Variants in CSNK2A2 observed in about 807,000 individuals in gnomAD.
The protein encoded by CSNK2A2 is casein kinase II subunit alpha'.
A neutral mutation model predicts 54.0 loss-of-function variants in CSNK2A2; 8 were observed. That is an observed-to-expected ratio of 0.15 (90% CI 0.09 to 0.27). The LOEUF (loss-of-function observed/expected upper bound fraction) is 0.27, where lower values mean the gene tolerates loss of function less well. Among genes scored for constraint, CSNK2A2 ranks in the 10% least tolerant of loss-of-function variants. CSNK2A2 has a pLI of 1.00. For synonymous variants in CSNK2A2, 141 were observed against 153.9 expected, an observed-to-expected ratio of 0.92 and a Z score of 0.62; for missense variants, 242 against 439.4, an observed-to-expected ratio of 0.55 and a Z score of 4.02.
In CSNK2A2 at chr16:58,197,262, A is replaced by C. The variant is rs1369214143; in HGVS notation, c.104+371T>G. ...CCCACCACCTCATCTCAGAAAACCTAAAAGGCAGGGCATTTTAATAGCTCC... is the reference window on the plus strand; with the variant it reads ...CCCACCACCTCATCTCAGAAAACCTCAAAGGCAGGGCATTTTAATAGCTCC... On this transcript the variant is annotated intron_variant, in intron 1 of 11. Coordinates refer to ENST00000262506, the MANE Select transcript of CSNK2A2 (RefSeq NM_001896.4). This position sits in a 1 kb window ranked among gnomAD's most constrained non-coding sequence, Gnocchi z 4.0. The C allele has an allele frequency of 3.6e-6, 1 of 279,894 alleles. No homozygotes were observed. Among genetic ancestry groups the C allele is most frequent in the Non-Finnish European group, 6.9e-6 (1 of 145,928 alleles). 17.3% of individuals were successfully genotyped at this position (279,894 alleles called of 1,614,324 possible).
intron 4 of CSNK2A2, among the ~76,000 whole-genome samples, chr16:58,182,613 GCAGA>G (rs1354396500): frequency 6.7e-6 from 1 of 150,046 alleles, no homozygotes; most frequent in African/African-American, 2.4e-5. Flanking sequence ...TACACATGTA[GCAGA>G]CAATTGGTAA....
intron 5 of CSNK2A2, among the ~76,000 whole-genome samples, chr16:58,173,703 G>C (rs906918924): frequency 2.6e-5 from 4 of 152,300 alleles, no homozygotes; most frequent in Middle Eastern, 3.4e-3. Context: ...ACATGGCAAG[G>C]AAAGATGGCT....
At chr16:58,181,923 A>G (rs1333034227) in intron 4 of CSNK2A2, among the ~76,000 whole-genome samples, 9 of 152,204 alleles carry the variant, frequency 5.9e-5, no homozygotes, top group African/African-American at 1.7e-4. Flanking sequence ...ACCGTCACAT[A>G]AGATGAAACT....
rs375314014 is a variant in CSNK2A2, at chr16:58,167,803, T to C, written c.514-8A>G. The C allele has an allele frequency of 2.3e-5, 37 of 1,610,196 alleles. No individual in the cohort carries two copies. The highest frequency in any genetic ancestry group is 1.1e-4 in the South Asian group (10 of 90,998). Reference sequence around the variant, plus strand: ...CCAATCTATCAGTCGCAGCTACAAATAGGACAGAAAAAAACATGTGAAAGG... The same window carrying C: ...CCAATCTATCAGTCGCAGCTACAAACAGGACAGAAAAAAACATGTGAAAGG... On this transcript the variant is annotated splice_polypyrimidine_tract_variant and splice_region_variant and intron_variant, in intron 6 of 11. Transcript: ENST00000262506.
chr16:58,176,900 G>C (rs1961894547), intron 4 of CSNK2A2, among the ~76,000 whole-genome samples: 2 of 152,292 alleles, frequency 1.3e-5, no homozygotes, highest in Non-Finnish European at 2.9e-5. Context: ...GCTTTGTCCA[G>C]ACCCCAAGAG....
chr16:58,165,886 G>A (rs747436815), intron 9 of CSNK2A2, among the ~76,000 whole-genome samples, 178 bp from the exon 10 acceptor site: 1 of 152,196 alleles, frequency 6.6e-6, no homozygotes, highest in Non-Finnish European at 1.5e-5. Context: ...AAACACAATG[G>A]TGCTCTGTGA....
chr16:58,193,991 A>G (rs1349301462), intron 2 of CSNK2A2, among the ~76,000 whole-genome samples: 1 of 152,230 alleles, frequency 6.6e-6, no homozygotes, highest in Non-Finnish European at 1.5e-5. Flanking sequence ...CTGGAAATCC[A>G]CTAATGCAAA....
At chr16:58,185,252 C>CA (rs1555506618) in intron 3 of CSNK2A2, among the ~76,000 whole-genome samples, 8 of 152,168 alleles carry the variant, frequency 5.3e-5, no homozygotes, top group Non-Finnish European at 8.8e-5. Context: ...GAGGACAACT[C>CA]AGAGTCCAAA....
chr16:58,197,334 G>C lies in CSNK2A2; in HGVS notation c.104+299C>G, dbSNP rs1490233262. On this transcript the variant is annotated intron_variant, in intron 1 of 11. Transcript: ENST00000262506. This position sits in a 1 kb window ranked among gnomAD's most constrained non-coding sequence, Gnocchi z 4.0. ...CACCCCAGTGGAAACCCAGAAGTGT[G>C]AGGAAGGGCAGCTCCCTCACTTCCA... is the stretch of plus-strand genomic sequence containing the variant. 8.6e-6 allele frequency: 3 copies of C among 347,026 alleles called. No individual in the cohort carries two copies. Among genetic ancestry groups the C allele is most frequent in the Non-Finnish European group, 1.1e-5 (2 of 187,328 alleles). The allele number at this position is 347,026 out of a possible 1,614,324, so 21.5% of individuals were successfully genotyped here.
intron 4 of CSNK2A2, among the ~76,000 whole-genome samples, chr16:58,182,567 A>AC (rs998661838): frequency 1.3e-5 from 2 of 151,434 alleles, no homozygotes; most frequent in African/African-American, 4.8e-5. Flanking sequence ...AAAAAAAAAA[A>AC]AAAAAACAAA....
intron 1 of CSNK2A2, 144 bp from the exon 2 acceptor site, chr16:58,196,988 A>T (rs2142460100): frequency 4.4e-6 from 3 of 684,868 alleles, no homozygotes; most frequent in Non-Finnish European, 2.7e-6. Flanking sequence ...CCTAAATGAA[A>T]GCCACGACAT....
At chr16:58,189,224 G>A (rs1035415373) in intron 2 of CSNK2A2, among the ~76,000 whole-genome samples, 2 of 152,122 alleles carry the variant, frequency 1.3e-5, no homozygotes, top group African/African-American at 4.8e-5. Context: ...CCAAAGTGCT[G>A]GGATTACAGG....
intron 3 of CSNK2A2, among the ~76,000 whole-genome samples, chr16:58,184,900 T>C (rs1351601306): frequency 1.3e-5 from 2 of 152,200 alleles, no homozygotes; most frequent in Non-Finnish European, 2.9e-5. Context: ...TATACTATAA[T>C]ATTATTGCCT....
chr16:58,179,910 T>C (rs900574382), intron 4 of CSNK2A2, among the ~76,000 whole-genome samples: 5 of 151,916 alleles, frequency 3.3e-5, no homozygotes, highest in Non-Finnish European at 7.4e-5. Context: ...AAACCCCGTC[T>C]GTACTAAAAA....
chr16:58,166,447 A>C, intron 9 of CSNK2A2, 137 bp downstream of exon 9: 1 of 547,586 alleles, frequency 1.8e-6, no homozygotes. Flanking sequence ...AATAAGTTAA[A>C]AGAAAATATG....
At chr16:58,196,693 T>C (rs536395783) in intron 2 of CSNK2A2, 40 bp downstream of exon 2, 31 of 1,324,920 alleles carry the variant, frequency 2.3e-5, no homozygotes, top group East Asian at 4.6e-5. Flanking sequence ...TTTTGCCCTG[T>C]GGGGAGGAAA....
intron 8 of CSNK2A2, 22 bp downstream of exon 8, chr16:58,167,185 G>T: frequency 6.4e-7 from 1 of 1,572,344 alleles, no homozygotes; most frequent in Non-Finnish European, 8.7e-7. Flanking sequence ...AAATAAATAA[G>T]AACCAGAAAG....
At position 58,197,490 on chromosome 16, in the gene CSNK2A2, T is replaced by G; in HGVS notation, c.104+143A>C. ...GGGAGGGAAGAGGAAGACGAGGACA[T>G]GTGCGAGAGCGGGACCTCTGCCTCC... is the stretch of plus-strand genomic sequence containing the variant. On this transcript the variant is annotated intron_variant, in intron 1 of 11. Coordinates refer to ENST00000262506, the MANE Select transcript of CSNK2A2 (RefSeq NM_001896.4). The surrounding 1 kb of genome is among the most constrained non-coding windows in gnomAD (Gnocchi z 4.0). 1 of 459,586 alleles carries G rather than the reference T, an allele frequency of 2.2e-6. No homozygotes were observed. Among genetic ancestry groups the G allele is most frequent in the East Asian group, 4.2e-5 (1 of 23,964 alleles). The allele number at this position is 459,586 out of a possible 1,614,324, so 28.5% of individuals were successfully genotyped here. A position where few individuals can be genotyped will look rare whatever the true frequency, so the allele number is the denominator to read the frequency against.
At chr16:58,166,838 G>A (rs1442513441) in intron 8 of CSNK2A2, among the ~76,000 whole-genome samples, 154 bp from the exon 9 acceptor site, 1 of 152,132 alleles carries the variant, frequency 6.6e-6, no homozygotes, top group Non-Finnish European at 1.5e-5. Context: ...CAGACCCAAG[G>A]ACAAGAAGTT....
Sources: allele counts gnomAD v4.1 joint callset (sites outside exome capture counted in the v4.1 genomes callset), GRCh38; gene constraint gnomAD v4.1.1; non-coding constraint Gnocchi (gnomAD v3.1); transcripts MANE v1.5; gene names NCBI Gene and HGNC (gene_info 2026-07-23, HGNC 2026-07-21).